CNTNAP2: variants seen among roughly 807,000 people sequenced by gnomAD.
CNTNAP2 encodes the protein contactin-associated protein-like 2.
A neutral mutation model predicts 155.2 loss-of-function variants in CNTNAP2; 98 were observed. The ratio of observed to expected loss-of-function variants is 0.63; its 90% CI spans 0.54 to 0.75. CNTNAP2 has a LOEUF of 0.75. CNTNAP2 is among the 30% of genes least tolerant of loss of function. The probability of loss-of-function intolerance (pLI) is 0.00; values close to 1 mark genes in which losing one functional copy is unlikely to be tolerated. For synonymous variants in CNTNAP2, 651 were observed against 631.2 expected, an observed-to-expected ratio of 1.03 and a Z score of -0.47; for missense variants, 1,727 against 1,688.1, an observed-to-expected ratio of 1.02 and a Z score of -0.40.
At chr7:146,600,639 C>T (rs948695697) in intron 1 of CNTNAP2, among the ~76,000 whole-genome samples, 1 of 152,042 alleles carries the variant, frequency 6.6e-6, no homozygotes, top group African/African-American at 2.4e-5. Flanking sequence ...TCCAGGCATG[C>T]GTATGTATTC....
At chr7:147,395,423 T>A (rs1454113408) in intron 9 of CNTNAP2, among the ~76,000 whole-genome samples, 186 bp from the exon 10 acceptor site, 2 of 152,026 alleles carry the variant, frequency 1.3e-5, no homozygotes, top group Admixed American at 6.6e-5. Flanking sequence ...CAACCCTGAC[T>A]TCTTCCTCTG....
At chr7:148,103,215 T>A (rs1804140845) in intron 15 of CNTNAP2, among the ~76,000 whole-genome samples, 1 of 151,878 alleles carries the variant, frequency 6.6e-6, no homozygotes, top group African/African-American at 2.4e-5. Flanking sequence ...GCTTTTTTTT[T>A]TTTTTTATCT....
intron 21 of CNTNAP2, among the ~76,000 whole-genome samples, chr7:148,362,134 A>T (rs1798634675): frequency 6.6e-6 from 1 of 152,038 alleles, no homozygotes; most frequent in Admixed American, 6.6e-5. Flanking sequence ...ACTTGAACCT[A>T]GGAGGCAGAG....
chr7:148,197,944 C>A (rs553401580), intron 18 of CNTNAP2, among the ~76,000 whole-genome samples: 2 of 152,220 alleles, frequency 1.3e-5, no homozygotes, highest in Non-Finnish European at 2.9e-5. Flanking sequence ...GTGTGGTCAT[C>A]CTTTGAGTTT....
intron 9 of CNTNAP2, among the ~76,000 whole-genome samples, chr7:147,375,666 C>T (rs921732550): frequency 2.0e-5 from 3 of 151,970 alleles, no homozygotes; most frequent in African/African-American, 4.8e-5. Flanking sequence ...TAGCTCACCT[C>T]GCACAGATAC....
intron 13 of CNTNAP2, among the ~76,000 whole-genome samples, chr7:147,879,569 T>C (rs143852726): frequency 1.3e-5 from 2 of 152,196 alleles, no homozygotes; most frequent in African/African-American, 4.8e-5. Flanking sequence ...AATAAGTCCG[T>C]GTAGGGGCTG....
intron 13 of CNTNAP2, among the ~76,000 whole-genome samples, chr7:147,719,207 A>G (rs1047554523): frequency 7.9e-5 from 12 of 152,100 alleles, no homozygotes; most frequent in Non-Finnish European, 1.8e-4. Context: ...GAAGCTGGGT[A>G]CCTAAGCACT....
intron 9 of CNTNAP2, among the ~76,000 whole-genome samples, chr7:147,389,224 A>T: frequency 6.6e-6 from 1 of 152,220 alleles, no homozygotes; most frequent in East Asian, 1.9e-4. Context: ...AGAGACTAGT[A>T]GATATTTTGT....
At chr7:146,328,668 T>A (rs1395623998) in intron 1 of CNTNAP2, among the ~76,000 whole-genome samples, 1 of 152,164 alleles carries the variant, frequency 6.6e-6, no homozygotes, top group Admixed American at 6.6e-5. Flanking sequence ...AAGTTTGTAC[T>A]CTTTGACCAG....
chr7:147,440,551 A>G (rs56922289), intron 10 of CNTNAP2, among the ~76,000 whole-genome samples: 2,897 of 152,198 alleles, frequency 0.019, 104 homozygotes, highest in African/African-American at 0.066. Context: ...TGTACTTACT[A>G]GTGAGTTTTG....
At chr7:146,402,130 C>T (rs921427182) in intron 1 of CNTNAP2, among the ~76,000 whole-genome samples, 2 of 152,094 alleles carry the variant, frequency 1.3e-5, no homozygotes, top group Non-Finnish European at 2.9e-5. Context: ...ATACAATTTA[C>T]ATTGCGCAAC....
chr7:147,557,562 G>T (rs764694223), intron 11 of CNTNAP2, among the ~76,000 whole-genome samples: 1 of 152,108 alleles, frequency 6.6e-6, no homozygotes, highest in Non-Finnish European at 1.5e-5. Context: ...TTCTTCAGTG[G>T]CTGCTGCCTT....
intron 1 of CNTNAP2, among the ~76,000 whole-genome samples, chr7:146,392,531 G>A (rs1355845212): frequency 2.0e-5 from 3 of 152,172 alleles, no homozygotes; most frequent in African/African-American, 7.2e-5. Context: ...CACAGAGAAA[G>A]AAAGTGGAAA....
chr7:147,259,466 G>C (rs926581429), intron 8 of CNTNAP2, among the ~76,000 whole-genome samples: 33 of 152,100 alleles, frequency 2.2e-4, no homozygotes, highest in African/African-American at 7.7e-4. Context: ...GAAAAAGGGA[G>C]AAAAATAAGA....
At chr7:148,080,055 G>A (rs923917030) in intron 15 of CNTNAP2, among the ~76,000 whole-genome samples, 1 of 152,194 alleles carries the variant, frequency 6.6e-6, no homozygotes, top group African/African-American at 2.4e-5. Context: ...CTCCCTATGA[G>A]AGTCAGCCAT....
At chr7:147,915,534 A>G (rs1232707932) in intron 14 of CNTNAP2, among the ~76,000 whole-genome samples, 1 of 152,116 alleles carries the variant, frequency 6.6e-6, no homozygotes, top group Non-Finnish European at 1.5e-5. Flanking sequence ...ATTCAAATAA[A>G]TGTGTGTGCA....
chr7:146,264,182 G>A (rs1375961145), intron 1 of CNTNAP2, among the ~76,000 whole-genome samples: 1 of 152,186 alleles, frequency 6.6e-6, no homozygotes, highest in Non-Finnish European at 1.5e-5. Context: ...GGTGGCTCAT[G>A]CCTGTAATCC....
At chr7:147,157,847 G>T (rs562399329) in intron 8 of CNTNAP2, among the ~76,000 whole-genome samples, 23 of 152,046 alleles carry the variant, frequency 1.5e-4, no homozygotes, top group Middle Eastern at 3.4e-3. Flanking sequence ...TATCAGAAAT[G>T]ATATAATAAA....
At chr7:147,805,210 T>C (rs1239237281) in intron 13 of CNTNAP2, among the ~76,000 whole-genome samples, 2 of 151,998 alleles carry the variant, frequency 1.3e-5, no homozygotes, top group Non-Finnish European at 2.9e-5. Context: ...TAGCTGGGAT[T>C]ACCAGCCTGG....
Sources: allele counts gnomAD v4.1 joint callset (sites outside exome capture counted in the v4.1 genomes callset), GRCh38; gene constraint gnomAD v4.1.1; transcripts MANE v1.5; gene names NCBI Gene and HGNC (gene_info 2026-07-23, HGNC 2026-07-21).